CRMP1: variants seen among roughly 807,000 people sequenced by gnomAD.
CRMP1 encodes collapsin response mediator protein 1, also known as dihydropyrimidinase-related protein 1.
Under a neutral mutation model 68.3 loss-of-function variants are expected in CRMP1, and 19 were observed. That is an observed-to-expected ratio of 0.28 (90% CI 0.19 to 0.41). The LOEUF (loss-of-function observed/expected upper bound fraction) is 0.41. CRMP1 is among the 10% of genes least tolerant of loss of function. CRMP1 has a pLI of 1.00. For missense variants in CRMP1, 791 were observed against 967.4 expected (o/e 0.82, Z 2.42); for synonymous variants, 439 against 399.6 (o/e 1.10, Z -1.18).
rs1713416936 is a variant in CRMP1, at chr4:5,860,026, C to G, written c.655+1000G>C. Among the ~76,000 whole-genome samples, 1 of 152,070 alleles carries G rather than the reference C, an allele frequency of 6.6e-6. No individual in the cohort carries two copies. The highest frequency in any genetic ancestry group is 1.9e-4 in the East Asian group (1 of 5,164). ...CTTCAAAATCAACACAAGAAACAGC[C>G]ATCGGGCTGCACAGGGCAATGGAGG... On this transcript the variant is annotated intron_variant, in intron 3 of 13. Transcript: ENST00000324989. This position sits in a 1 kb window ranked among gnomAD's most constrained non-coding sequence, Gnocchi z 4.2.
At position 5,888,204 on chromosome 4, in the gene CRMP1, G is replaced by T. The variant is rs2152477190; in HGVS notation, c.381+4385C>A. 2 of 1,257,738 alleles carry T rather than the reference G, an allele frequency of 1.6e-6. No individual in the cohort carries two copies. The highest frequency in any genetic ancestry group is 3.6e-5 in the South Asian group (1 of 27,818). The allele number at this position is 1,257,738 out of a possible 1,614,324, so 77.9% of individuals were successfully genotyped here. On this transcript the variant is annotated intron_variant, in intron 1 of 13. Transcript: ENST00000324989. The surrounding 1 kb of genome is among the most constrained non-coding windows in gnomAD (Gnocchi z 6.4). ...CCCAGCCCACAAAGGCCAGCGCGGG[G>T]CGGCGGGGGCGGGGGCCGCTTACCG...
In CRMP1 at chr4:5,866,089, C is replaced by G. The variant is rs1713978811; in HGVS notation, c.470+579G>C. Among the ~76,000 whole-genome samples the G allele has an allele frequency of 6.6e-6, 1 of 152,154 alleles. No individual in the cohort carries two copies. The highest frequency in any genetic ancestry group is 1.9e-4 in the East Asian group (1 of 5,182). ...ATTCCATTCCGGCAGCCAGCGCTGG[C>G]TAAGACACCTGGGTTGTCATAAGCA... On this transcript the variant is annotated intron_variant, in intron 2 of 13. Transcript: ENST00000324989. This position sits in a 1 kb window ranked among gnomAD's most constrained non-coding sequence, Gnocchi z 5.9.
chr4:5,822,239 A>G (rs1262099974), intron 13 of CRMP1, among the ~76,000 whole-genome samples: 2 of 152,226 alleles, frequency 1.3e-5, no homozygotes, highest in African/African-American at 4.8e-5. Flanking sequence ...TGTACTCCCA[A>G]CTTACGGGTG....
chr4:5,861,413 T>TA lies in CRMP1; in HGVS notation c.471-204dup, dbSNP rs1237767144. 4.6e-5 allele frequency among the ~76,000 whole-genome samples: 7 copies of TA among 152,184 alleles called. No individual in the cohort carries two copies. The highest frequency in any genetic ancestry group is 2.9e-5 in the Non-Finnish European group (2 of 68,038). ...GACGTAAGACAGGTGGGCAGACTGT[T>TA]AGAGCCCAGTATAGCAGAGATGATC... On this transcript the variant is annotated intron_variant, in intron 2 of 13. Transcript: ENST00000324989. The surrounding 1 kb of genome is among the most constrained non-coding windows in gnomAD (Gnocchi z 6.0).
intron 9 of CRMP1, 83 bp from the exon 10 acceptor site, chr4:5,836,989 C>G (rs963620822): frequency 1.6e-5 from 24 of 1,459,700 alleles, no homozygotes; most frequent in Non-Finnish European, 2.0e-5. Flanking sequence ...ACATGCAGCA[C>G]AGCCAGTGAA....
intron 6 of CRMP1, among the ~76,000 whole-genome samples, chr4:5,848,060 T>C (rs975024844): frequency 6.6e-6 from 1 of 152,128 alleles, no homozygotes; most frequent in Admixed American, 6.5e-5. Flanking sequence ...TTCCCTCCTG[T>C]CATGCTCACC....
intron 13 of CRMP1, chr4:5,824,778 A>G: frequency 1.0e-6 from 1 of 983,008 alleles, no homozygotes; most frequent in Non-Finnish European, 1.2e-6. Context: ...TGTGCAACCC[A>G]TGCAACGCCT....
chr4:5,876,341 C>T (rs2152472638), intron 1 of CRMP1, among the ~76,000 whole-genome samples: 1 of 152,154 alleles, frequency 6.6e-6, no homozygotes, highest in South Asian at 2.1e-4. Context: ...AAGCAACTCC[C>T]ATGGCCCCCA....
chr4:5,840,830 C>G (rs1056757649), intron 8 of CRMP1, among the ~76,000 whole-genome samples: 6 of 152,138 alleles, frequency 3.9e-5, no homozygotes, highest in Non-Finnish European at 8.8e-5. Flanking sequence ...GTTCTAGCCT[C>G]TACTTGTCAG....
In CRMP1 at chr4:5,865,591, A is replaced by G. The variant is rs1713936559; in HGVS notation, c.470+1077T>C. ...AGCCGAGATTGTGCCACTGCACTCC[A>G]GCCTGGTGACAGAGTGAGACTCCGT... On this transcript the variant is annotated intron_variant, in intron 2 of 13. Transcript: ENST00000324989. This position sits in a 1 kb window ranked among gnomAD's most constrained non-coding sequence, Gnocchi z 4.1. Among the ~76,000 whole-genome samples the G allele has an allele frequency of 6.7e-6, 1 of 148,780 alleles. No individual in the cohort carries two copies. The highest frequency in any genetic ancestry group is 6.7e-5 in the Admixed American group (1 of 14,920).
intron 1 of CRMP1, among the ~76,000 whole-genome samples, chr4:5,873,519 G>A (rs776844486): frequency 6.6e-6 from 1 of 151,856 alleles, no homozygotes; most frequent in African/African-American, 2.4e-5. Context: ...AAAGTGGGGG[G>A]TGGGGGGTGA....
At chr4:5,851,082 G>T (rs1454532217) in intron 5 of CRMP1, among the ~76,000 whole-genome samples, 1 of 152,190 alleles carries the variant, frequency 6.6e-6, no homozygotes, top group Non-Finnish European at 1.5e-5. Flanking sequence ...GGGAAGTACA[G>T]GCTCCTGAGT....
At position 5,825,446 on chromosome 4, in the gene CRMP1, C is replaced by T. The variant is rs376071373; in HGVS notation, c.1969+48G>A. 6.6e-7 allele frequency: 1 copy of T among 1,522,844 alleles called. No individual in the cohort carries two copies. The highest frequency in any genetic ancestry group is 1.4e-5 in the African/African-American group (1 of 70,466). 94.3% of individuals were successfully genotyped at this position (1,522,844 alleles called of 1,614,324 possible). On this transcript the variant is annotated intron_variant, in intron 13 of 13. Coordinates refer to ENST00000324989, the MANE Select transcript of CRMP1 (RefSeq NM_001014809.3). This position sits in a 1 kb window ranked among gnomAD's most constrained non-coding sequence, Gnocchi z 4.4. ...CTCAGAAGCAGCAGGAAGGACTCGG[C>T]CTGAACTGCTGCAATTGTGGGGAGC...
In CRMP1 at chr4:5,889,534, T is replaced by C. The variant is rs556088642; in HGVS notation, c.381+3055A>G. 146 of 1,529,140 alleles carry C rather than the reference T, an allele frequency of 9.5e-5. No homozygotes were observed. The highest frequency in any genetic ancestry group is 1.1e-4 in the Non-Finnish European group (120 of 1,140,898). 94.7% of individuals were successfully genotyped at this position (1,529,140 alleles called of 1,614,324 possible). A position where few individuals can be genotyped will look rare whatever the true frequency, so the allele number is the denominator to read the frequency against. ...GTCCGTAACAGCAGAGGGGAAAAGA[T>C]GAAAGAAGATGGAGGAAAAGGGGGA... On this transcript the variant is annotated intron_variant, in intron 1 of 13. Transcript: ENST00000324989. This position sits in a 1 kb window ranked among gnomAD's most constrained non-coding sequence, Gnocchi z 4.5.
chr4:5,869,963 T>A (rs1467836069), intron 1 of CRMP1, among the ~76,000 whole-genome samples: 1 of 152,112 alleles, frequency 6.6e-6, no homozygotes, highest in Non-Finnish European at 1.5e-5. Context: ...CTGGACCAGG[T>A]CCCATGGTCT....
In CRMP1 at chr4:5,834,024, C is replaced by T. The variant is rs1720558423; in HGVS notation, c.1623+1891G>A. 6.6e-6 allele frequency among the ~76,000 whole-genome samples: 1 copy of T among 152,166 alleles called. No homozygotes were observed. Among genetic ancestry groups the T allele is most frequent in the Non-Finnish European group, 1.5e-5 (1 of 68,034 alleles). On this transcript the variant is annotated intron_variant, in intron 11 of 13. Transcript: ENST00000324989. This position sits in a 1 kb window ranked among gnomAD's most constrained non-coding sequence, Gnocchi z 4.3. ...TTGCGCCACTGCACTCCAGCCTGGGCAACAGAGCAAGACTCCATCTCAACA... is the reference window on the plus strand; with the variant it reads ...TTGCGCCACTGCACTCCAGCCTGGGTAACAGAGCAAGACTCCATCTCAACA...
Position 5,850,170 on chromosome 4 carries a change from T to A in CRMP1, c.883-698A>T, listed in dbSNP as rs988603564. Reference sequence around the variant, plus strand: ...GGACACTTGAACCTCAACTTTGTTCTCCATGCATGCAAGACAACATCCCCT... The same window carrying A: ...GGACACTTGAACCTCAACTTTGTTCACCATGCATGCAAGACAACATCCCCT... On this transcript the variant is annotated intron_variant, in intron 5 of 13. Transcript: ENST00000324989. The surrounding 1 kb of genome is among the most constrained non-coding windows in gnomAD (Gnocchi z 4.4). Among the ~76,000 whole-genome samples the A allele has an allele frequency of 6.6e-6, 1 of 152,188 alleles. No individual in the cohort carries two copies. The highest frequency in any genetic ancestry group is 6.5e-5 in the Admixed American group (1 of 15,282).
At position 5,877,955 on chromosome 4, in the gene CRMP1, A is replaced by G. The variant is rs1714958393; in HGVS notation, c.382-11199T>C. On this transcript the variant is annotated intron_variant, in intron 1 of 13. Transcript: ENST00000324989. The surrounding 1 kb of genome is among the most constrained non-coding windows in gnomAD (Gnocchi z 4.3). The stretch of plus-strand genomic sequence containing the variant: ...GCATGTGTGATCGGTAACTTGACCC[A>G]TTTCTCTGTGTTCTGGTCTGTGCTT... Among the ~76,000 whole-genome samples, 1 of 152,178 alleles carries G rather than the reference A, an allele frequency of 6.6e-6. No homozygotes were observed.
At chr4:5,822,852 C>G (rs1577714458) in intron 13 of CRMP1, among the ~76,000 whole-genome samples, 1 of 152,240 alleles carries the variant, frequency 6.6e-6, no homozygotes, top group East Asian at 1.9e-4. Context: ...AGTTAGCTCA[C>G]TGCAACCACA....
Sources: gnomAD v4.1 joint callset for allele counts (sites outside exome capture counted in the v4.1 genomes callset) on GRCh38, gnomAD v4.1.1 for gene constraint, Gnocchi (gnomAD v3.1) non-coding constraint, MANE v1.5 for transcripts, NCBI Gene and HGNC (gene_info 2026-07-23, HGNC 2026-07-21) for gene names.